Variants in NIPA2 observed in about 807,000 individuals in gnomAD.
The protein encoded by NIPA2 is NIPA magnesium transporter 2.
A neutral mutation model predicts 29.7 loss-of-function variants in NIPA2; 11 were observed. The ratio of observed to expected loss-of-function variants is 0.37; its 90% CI spans 0.23 to 0.61. NIPA2 has a LOEUF of 0.61. Among genes scored for constraint, NIPA2 ranks in the 20% least tolerant of loss-of-function variants. The pLI is 0.66. For missense variants in NIPA2, 426 were observed against 437.9 expected (o/e 0.97, Z 0.24); for synonymous variants, 183 against 161.9 (o/e 1.13, Z -0.99).
intron 6 of NIPA2, among the ~76,000 whole-genome samples, chr15:22,860,201 G>T (rs1324489560): frequency 6.6e-6 from 1 of 152,056 alleles, no homozygotes; most frequent in African/African-American, 2.4e-5. Flanking sequence ...TGTATTTTTA[G>T]TAGAGATGGG....
intron 3 of NIPA2, among the ~76,000 whole-genome samples, chr15:22,848,617 G>A (rs997682489): frequency 6.6e-6 from 1 of 151,864 alleles, no homozygotes; most frequent in African/African-American, 2.4e-5. Flanking sequence ...CTCGAGGTCA[G>A]GAGTTCCAGA....
Position 22,867,446 on chromosome 15 carries a change from C to G in NIPA2, c.*599C>G, listed in dbSNP as rs988748643. ...CGATTTCTCAGGTTGAGATGATCAC[C>G]GTGAATCCGGCTTCCTCTGAGCATT... On this transcript the variant is annotated 3_prime_UTR_variant, in exon 8 of 8. Transcript: ENST00000337451. The G allele has an allele frequency of 2.8e-6, 1 of 353,488 alleles. No homozygotes were observed. Among genetic ancestry groups the G allele is most frequent in the Non-Finnish European group, 5.0e-6 (1 of 199,048 alleles). 21.9% of individuals were successfully genotyped at this position (353,488 alleles called of 1,614,324 possible). A position where few individuals can be genotyped will look rare whatever the true frequency, so the allele number is the denominator to read the frequency against.
chr15:22,843,127 A>G (rs1897585929), intron 2 of NIPA2, among the ~76,000 whole-genome samples: 4 of 152,124 alleles, frequency 2.6e-5, no homozygotes. Context: ...ATTCTTCAGC[A>G]GAAGGCTGAG....
At chr15:22,858,508 C>A (rs1401765510) in intron 5 of NIPA2, 32 bp from the exon 6 acceptor site, 1 of 1,474,752 alleles carries the variant, frequency 6.8e-7, no homozygotes, top group Non-Finnish European at 9.4e-7. Context: ...TACATTCTTA[C>A]CTGAGTTTTT....
chr15:22,851,660 G>A lies in NIPA2; in HGVS notation c.-72G>A. On this transcript the variant is annotated 5_prime_UTR_variant, in exon 4 of 8. Coordinates refer to ENST00000337451, the MANE Select transcript of NIPA2 (RefSeq NM_030922.7). ...TTAGGTTTGAAGACTGCTTCATTCT[G>A]CCTCTAGTACCAGCGGTTTCTCTGT... The A allele has an allele frequency of 7.8e-7, 1 of 1,290,028 alleles. No homozygotes were observed. Among genetic ancestry groups the A allele is most frequent in the Non-Finnish European group, 1.1e-6 (1 of 927,812 alleles). 79.9% of individuals were successfully genotyped at this position (1,290,028 alleles called of 1,614,324 possible).
At chr15:22,855,823 A>G (rs2058136551) in intron 5 of NIPA2, among the ~76,000 whole-genome samples, 1 of 152,136 alleles carries the variant, frequency 6.6e-6, no homozygotes, top group African/African-American at 2.4e-5. Context: ...AGCAGGAGGA[A>G]ACTGTAACTG....
Position 22,866,207 on chromosome 15 carries a change from C to G in NIPA2, c.449-6C>G, listed in dbSNP as rs1376518282. ...GACTCATGTAACTTTTCTTTGCCTCCTCCAGGTTTTGTGGTCTTTGCAACC... is the reference window on the plus strand; with the variant it reads ...GACTCATGTAACTTTTCTTTGCCTCGTCCAGGTTTTGTGGTCTTTGCAACC... On this transcript the variant is annotated splice_polypyrimidine_tract_variant and splice_region_variant and intron_variant, in intron 7 of 7. Coordinates refer to ENST00000337451, the MANE Select transcript of NIPA2 (RefSeq NM_030922.7). The G allele has an allele frequency of 2.5e-6, 4 of 1,606,352 alleles. No individual in the cohort carries two copies. The Admixed American group carries it at 6.7e-5, about 27-fold the overall frequency.
chr15:22,864,355 C>T (rs1201093533), intron 7 of NIPA2, among the ~76,000 whole-genome samples: 3 of 152,108 alleles, frequency 2.0e-5, no homozygotes, highest in African/African-American at 7.2e-5. Flanking sequence ...GGGGTTTCAC[C>T]ATGTTAGCCA....
At chr15:22,863,967 G>GTC (rs1566868607) in intron 7 of NIPA2, among the ~76,000 whole-genome samples, 1 of 152,062 alleles carries the variant, frequency 6.6e-6, no homozygotes, top group Non-Finnish European at 1.5e-5. Flanking sequence ...GGGGTGCCAG[G>GTC]TCAGTCTGTT....
At chr15:22,843,569 A>G (rs909337062) in intron 2 of NIPA2, among the ~76,000 whole-genome samples, 5 of 151,708 alleles carry the variant, frequency 3.3e-5, no homozygotes. Flanking sequence ...TATCTTTTTA[A>G]TTAAGGCTTT....
intron 6 of NIPA2, among the ~76,000 whole-genome samples, chr15:22,860,063 C>T (rs1409031462): frequency 1.4e-5 from 2 of 147,492 alleles, no homozygotes; most frequent in Non-Finnish European, 3.0e-5. Context: ...TGGAGTTTCA[C>T]TGTGTCACCC....
rs1466199911 is a variant in NIPA2 at position 22,866,947 on chromosome 15, A to AAAG, written c.*101_*103dup. 1 of 1,161,984 alleles carries AAAG rather than the reference A, an allele frequency of 8.6e-7. No homozygotes were observed. Among genetic ancestry groups the AAAG allele is most frequent in the Non-Finnish European group, 1.2e-6 (1 of 834,330 alleles). 72.0% of individuals were successfully genotyped at this position (1,161,984 alleles called of 1,614,324 possible). A position where few individuals can be genotyped will look rare whatever the true frequency, so the allele number is the denominator to read the frequency against. The stretch of plus-strand genomic sequence containing the variant: ...ACATTGTCCTCAAATAATGTTCTTT[A>AAAG]AAGGCAATCTTTTTAAAGATTTCAC... On this transcript the variant is annotated 3_prime_UTR_variant, in exon 8 of 8. Transcript: ENST00000337451.
At chr15:22,857,908 G>C in intron 5 of NIPA2, among the ~76,000 whole-genome samples, 1 of 151,144 alleles carries the variant, frequency 6.6e-6, no homozygotes, top group East Asian at 1.9e-4. Context: ...CTTCATGTCG[G>C]CTTCTTCTCA....
rs1034727691 is a variant in NIPA2, at chr15:22,867,982, A to ATT, written c.*1136_*1137dup. The ATT allele has an allele frequency of 6.6e-6, 1 of 152,252 alleles. No homozygotes were observed. The highest frequency in any genetic ancestry group is 1.5e-5 in the Non-Finnish European group (1 of 68,042). The allele number at this position is 152,252 out of a possible 1,614,324, so 9.4% of individuals were successfully genotyped here. A position where few individuals can be genotyped will look rare whatever the true frequency, so the allele number is the denominator to read the frequency against. ...CATTGACTGGCCTTTAAAAAAAAGT[A>ATT]TTGGCAGAATTAATTTCCACCTAGG... On this transcript the variant is annotated 3_prime_UTR_variant, in exon 8 of 8. Coordinates refer to ENST00000337451, the MANE Select transcript of NIPA2 (RefSeq NM_030922.7).
chr15:22,841,894 G>A (rs866733022), intron 2 of NIPA2, among the ~76,000 whole-genome samples: 7 of 152,012 alleles, frequency 4.6e-5, no homozygotes, highest in South Asian at 2.1e-4. Flanking sequence ...CTGCACACCC[G>A]CTCATACCTC....
chr15:22,866,362 G>A lies in NIPA2; in HGVS notation c.598G>A (p.Gly200Ser). Residue 200 changes from glycine (G) to serine (S), a missense_variant, in exon 8 of 8, where the codon GGC becomes AGC. By Grantham distance (56) the Gly-to-Ser change is moderately conservative. Transcript: ENST00000337451. ...TTCAGTCTCCTGTGTGAAGGGCCTG[G>A]GCATTGCTATCAAGGAGCTGTTTGC... ...AFSVSCVKGL[G>S]IAIKELFAGK... 1 of 1,614,024 alleles carries A rather than the reference G, an allele frequency of 6.2e-7. No homozygotes were observed. Among genetic ancestry groups the A allele is most frequent in the South Asian group, 1.1e-5 (1 of 91,086 alleles).
chr15:22,868,357 TTAATAAA>T lies in NIPA2; in HGVS notation c.*1519_*1525del, dbSNP rs996737867. On this transcript the variant is annotated 3_prime_UTR_variant, in exon 8 of 8. Transcript: ENST00000337451. ...AGAGACTCATTTGAACATGCATAGG[TTAATAAA>T]TAATAAATTCTTATTTAACATTTTG... 95 of 147,242 alleles carry T rather than the reference TTAATAAA, an allele frequency of 6.5e-4. 1 individual carries two copies. Among genetic ancestry groups the T allele is most frequent in the African/African-American group, 2.2e-3 (89 of 40,694 alleles). 9.1% of individuals were successfully genotyped at this position (147,242 alleles called of 1,614,324 possible). A position where few individuals can be genotyped will look rare whatever the true frequency, so the allele number is the denominator to read the frequency against.
intron 7 of NIPA2, among the ~76,000 whole-genome samples, chr15:22,865,515 T>G (rs1407500325): frequency 6.6e-6 from 1 of 152,038 alleles, no homozygotes; most frequent in Non-Finnish European, 1.5e-5. Context: ...ACTGTGTATT[T>G]TATTAGTGGA....
intron 2 of NIPA2, among the ~76,000 whole-genome samples, chr15:22,840,448 C>A (rs367957958): frequency 6.6e-6 from 1 of 151,980 alleles, no homozygotes; most frequent in Admixed American, 6.6e-5. Context: ...CAGGCGCCGG[C>A]GACCACGCCC....
Sources: allele counts gnomAD v4.1 joint callset (sites outside exome capture counted in the v4.1 genomes callset), GRCh38; gene constraint gnomAD v4.1.1; transcripts MANE v1.5; gene names NCBI Gene and HGNC (gene_info 2026-07-23, HGNC 2026-07-21).